SEMA6D: variants seen among roughly 807,000 people sequenced by gnomAD.
The protein encoded by SEMA6D is semaphorin 6D, also known as semaphorin-6D.
Under a neutral mutation model 106.6 loss-of-function variants are expected in SEMA6D, and 35 were observed. The ratio of observed to expected loss-of-function variants is 0.33; its 90% CI spans 0.25 to 0.44. SEMA6D has a LOEUF of 0.44. SEMA6D is among the 20% of genes least tolerant of loss of function. SEMA6D has a pLI of 1.00. For missense variants in SEMA6D, 1,185 were observed against 1,345.9 expected (o/e 0.88, Z 1.87); for synonymous variants, 499 against 487.7 (o/e 1.02, Z -0.31).
At chr15:47,723,620 G>A (rs1027119193) in intron 1 of SEMA6D, among the ~76,000 whole-genome samples, 1 of 152,026 alleles carries the variant, frequency 6.6e-6, no homozygotes, top group South Asian at 2.1e-4. Flanking sequence ...ATGATGGAGG[G>A]AAAATCTTTC....
At position 47,771,874 on chromosome 15, in the gene SEMA6D, G is replaced by T; in HGVS notation, c.*89G>T. ...AAGGGTACCTTAAAACAAGAGACTC[G>T]CTTGTATTTTAAGAGAACCAAGTGG... On this transcript the variant is annotated 3_prime_UTR_variant, in exon 19 of 19. Transcript: ENST00000536845. The T allele has an allele frequency of 7.5e-7, 1 of 1,336,246 alleles. No homozygotes were observed. The highest frequency in any genetic ancestry group is 1.0e-6 in the Non-Finnish European group (1 of 971,340). The allele number at this position is 1,336,246 out of a possible 1,614,324, so 82.8% of individuals were successfully genotyped here.
At chr15:47,259,560 C>T (rs2033969074) in intron 1 of SEMA6D, among the ~76,000 whole-genome samples, 1 of 151,626 alleles carries the variant, frequency 6.6e-6, no homozygotes, top group South Asian at 2.1e-4. Context: ...AAATGGTTTT[C>T]CCCCAATAGG....
At chr15:47,724,186 A>G (rs913827504) in intron 1 of SEMA6D, among the ~76,000 whole-genome samples, 1 of 152,248 alleles carries the variant, frequency 6.6e-6, no homozygotes, top group Non-Finnish European at 1.5e-5. Context: ...TTTAAAAGCT[A>G]CAGAGGGAGA....
chr15:47,712,116 T>C (rs2079034157), intron 4 of SEMA6D, among the ~76,000 whole-genome samples: 1 of 152,214 alleles, frequency 6.6e-6, no homozygotes, highest in Non-Finnish European at 1.5e-5. Flanking sequence ...GTATATAATA[T>C]ACAGAGGTTT....
intron 4 of SEMA6D, among the ~76,000 whole-genome samples, chr15:47,638,034 GAAAA>G (rs2077421927): frequency 2.0e-5 from 3 of 152,118 alleles, no homozygotes; most frequent in Non-Finnish European, 4.4e-5. Flanking sequence ...AACATGAAGG[GAAAA>G]AACTTATTTA....
chr15:47,373,144 G>A (rs965710309), intron 1 of SEMA6D, among the ~76,000 whole-genome samples: 3 of 152,114 alleles, frequency 2.0e-5, no homozygotes, highest in African/African-American at 7.2e-5. Context: ...AATAATCAAG[G>A]GGTGAATAAC....
intron 1 of SEMA6D, among the ~76,000 whole-genome samples, chr15:47,225,146 G>A (rs2031548242): frequency 6.6e-6 from 1 of 151,844 alleles, no homozygotes; most frequent in Admixed American, 6.6e-5. Context: ...GAGGAAGAAG[G>A]TACAAAGCTA....
At chr15:47,191,295 A>T (rs2140951364) in intron 1 of SEMA6D, among the ~76,000 whole-genome samples, 1 of 152,214 alleles carries the variant, frequency 6.6e-6, no homozygotes, top group South Asian at 2.1e-4. Context: ...ATATATACAA[A>T]TACAGTATTT....
chr15:47,528,569 A>T (rs1053913177), intron 3 of SEMA6D, among the ~76,000 whole-genome samples: 1 of 152,116 alleles, frequency 6.6e-6, no homozygotes, highest in East Asian at 1.9e-4. Flanking sequence ...ATGAAGGGAT[A>T]TTTTTCTCTT....
At position 47,659,026 on chromosome 15, in the gene SEMA6D, T is replaced by C. The variant is rs373568152; in HGVS notation, c.-55+58130T>C. Among the ~76,000 whole-genome samples, 50 of 152,296 alleles carry C rather than the reference T, an allele frequency of 3.3e-4. No individual in the cohort carries two copies. In the South Asian group the frequency reaches 0.01, roughly 31 times the overall value. ...GACTAAAAAGGGCATACTTTATCAG[T>C]ATTGTAAATAGGTCGGTTTTCAAAT... On this transcript the variant is annotated intron_variant, in intron 4 of 19. Transcript: ENST00000558014.
intron 3 of SEMA6D, among the ~76,000 whole-genome samples, chr15:47,537,606 C>T (rs1369913905): frequency 6.6e-6 from 1 of 152,160 alleles, no homozygotes; most frequent in African/African-American, 2.4e-5. Context: ...GGCTCAAATG[C>T]TCTGCCGTGA....
intron 4 of SEMA6D, among the ~76,000 whole-genome samples, chr15:47,620,348 C>G (rs1346363629): frequency 6.6e-6 from 1 of 152,228 alleles, no homozygotes; most frequent in African/African-American, 2.4e-5. Context: ...CCAGGCTCCT[C>G]ACACCCTCTG....
intron 2 of SEMA6D, among the ~76,000 whole-genome samples, chr15:47,448,810 A>T (rs990393261): frequency 2.0e-5 from 3 of 152,080 alleles, no homozygotes; most frequent in African/African-American, 7.2e-5. Flanking sequence ...CTCGGTCTTC[A>T]TCTTTGTTCT....
At chr15:47,334,801 AG>A (rs1326058114) in intron 1 of SEMA6D, among the ~76,000 whole-genome samples, 2 of 152,204 alleles carry the variant, frequency 1.3e-5, no homozygotes, top group African/African-American at 4.8e-5. Flanking sequence ...CCATTACTAA[AG>A]GTAAAAGTTA....
chr15:47,375,520 A>G (rs994284368), intron 1 of SEMA6D, among the ~76,000 whole-genome samples: 3 of 152,178 alleles, frequency 2.0e-5, no homozygotes, highest in African/African-American at 7.2e-5. Flanking sequence ...CTGCTGAATT[A>G]TAATATTGAT....
At chr15:47,571,714 G>A (rs1183892053) in intron 3 of SEMA6D, among the ~76,000 whole-genome samples, 1 of 152,122 alleles carries the variant, frequency 6.6e-6, no homozygotes, top group Non-Finnish European at 1.5e-5. Context: ...ATGATTATGG[G>A]AACCACAAAT....
At chr15:47,550,330 G>A (rs1188838303) in intron 3 of SEMA6D, among the ~76,000 whole-genome samples, 1 of 152,100 alleles carries the variant, frequency 6.6e-6, no homozygotes, top group Non-Finnish European at 1.5e-5. Flanking sequence ...CACAAGAGAG[G>A]TGTAGAGACA....
intron 4 of SEMA6D, among the ~76,000 whole-genome samples, chr15:47,655,341 G>A (rs1403037559): frequency 1.3e-5 from 2 of 152,186 alleles, no homozygotes; most frequent in Non-Finnish European, 2.9e-5. Context: ...ACTTCCCAGG[G>A]ATTTTGATGT....
At chr15:47,481,280 T>C (rs1025356046) in intron 3 of SEMA6D, among the ~76,000 whole-genome samples, 5 of 152,286 alleles carry the variant, frequency 3.3e-5, no homozygotes, top group East Asian at 1.9e-4. Flanking sequence ...TCTAAAACTA[T>C]ACTCAGCTTT....
Sources: gnomAD v4.1 joint callset for allele counts (sites outside exome capture counted in the v4.1 genomes callset) on GRCh38, gnomAD v4.1.1 for gene constraint, MANE v1.5 for transcripts, NCBI Gene and HGNC (gene_info 2026-07-23, HGNC 2026-07-21) for gene names.